The following TRAF7 variants were observed in gnomAD, a reference collection of about 807,000 sequenced individuals.
The protein encoded by TRAF7 is E3 ubiquitin-protein ligase TRAF7.
In TRAF7, 45 loss-of-function variants were observed where a neutral mutation model predicts 89.3. That is an observed-to-expected ratio of 0.50 (90% CI 0.40 to 0.65). The LOEUF is 0.65. Among genes scored for constraint, TRAF7 ranks in the 30% least tolerant of loss-of-function variants. TRAF7 has a pLI of 0.00. For synonymous variants in TRAF7, 406 were observed against 369.2 expected, an observed-to-expected ratio of 1.10 and a Z score of -1.14; for missense variants, 677 against 918.1, an observed-to-expected ratio of 0.74 and a Z score of 3.39.
intron 4 of TRAF7, among the ~76,000 whole-genome samples, chr16:2,169,496 C>G (rs1276636804): frequency 1.3e-5 from 2 of 152,216 alleles, no homozygotes; most frequent in East Asian, 1.9e-4. Flanking sequence ...AGGCGGGTAC[C>G]TTCTCTGTTT....
Position 2,177,407 on chromosome 16 carries a change from T to A in TRAF7, c.*833T>A. 1 of 232,766 alleles carries A rather than the reference T, an allele frequency of 4.3e-6. No individual in the cohort carries two copies. Among genetic ancestry groups the A allele is most frequent in the Non-Finnish European group, 8.5e-6 (1 of 117,708 alleles). 14.4% of individuals were successfully genotyped at this position (232,766 alleles called of 1,614,324 possible). A position where few individuals can be genotyped will look rare whatever the true frequency, so the allele number is the denominator to read the frequency against. ...CCCGCCCCACACCACAATCGCTGGT[T>A]TTCGGCATTTTTTAAATTTTTTTTT... On this transcript the variant is annotated 3_prime_UTR_variant, in exon 21 of 21. Transcript: ENST00000326181.
chr16:2,159,678 C>T lies in TRAF7; in HGVS notation c.-39+3820C>T, dbSNP rs1218911334. ...CGGCCACACACAGCCCTGTGGCAGG[C>T]GGGGCGGAGGCTTCTGGAGCCGTCC... On this transcript the variant is annotated intron_variant, in intron 1 of 20. Transcript: ENST00000326181. The surrounding 1 kb of genome is among the most constrained non-coding windows in gnomAD (Gnocchi z 6.5). Among the ~76,000 whole-genome samples, 6 of 152,194 alleles carry T rather than the reference C, an allele frequency of 3.9e-5. No individual in the cohort carries two copies. The highest frequency in any genetic ancestry group is 3.9e-4 in the East Asian group (2 of 5,192).
At chr16:2,176,437 G>C (rs1166238337) in intron 20 of TRAF7, 53 bp downstream of exon 20, 2 of 1,612,342 alleles carry the variant, frequency 1.2e-6, no homozygotes, top group East Asian at 2.2e-5. Context: ...ATGGAGCGGG[G>C]GTGGGGACGA....
At position 2,159,644 on chromosome 16, in the gene TRAF7, C is replaced by T. The variant is rs1287489781; in HGVS notation, c.-39+3786C>T. Among the ~76,000 whole-genome samples the T allele has an allele frequency of 6.6e-6, 1 of 152,182 alleles. No homozygotes were observed. The highest frequency in any genetic ancestry group is 1.5e-5 in the Non-Finnish European group (1 of 68,008). ...CCACGCTCGGAGCTCTGGCCGCAGT[C>T]CAGCCAGCCGGCCACACACAGCCCT... On this transcript the variant is annotated intron_variant, in intron 1 of 20. Coordinates refer to ENST00000326181, the MANE Select transcript of TRAF7 (RefSeq NM_032271.3). This position sits in a 1 kb window ranked among gnomAD's most constrained non-coding sequence, Gnocchi z 6.5.
In TRAF7 at chr16:2,173,780, C is replaced by T. The variant is rs1835406777; in HGVS notation, c.1087-8C>T. Reference sequence around the variant, plus strand: ...CACCTGCCCTCTGCCCTGCCCTTGGCCCTGCAGGACGAGCTGTCCCACATC... The same window carrying T: ...CACCTGCCCTCTGCCCTGCCCTTGGTCCTGCAGGACGAGCTGTCCCACATC... On this transcript the variant is annotated splice_polypyrimidine_tract_variant and splice_region_variant and intron_variant, in intron 11 of 20. Transcript: ENST00000326181. 1.9e-6 allele frequency: 3 copies of T among 1,609,956 alleles called. No homozygotes were observed. Among genetic ancestry groups the T allele is most frequent in the Non-Finnish European group, 2.5e-6 (3 of 1,179,734 alleles).
chr16:2,167,234 G>T (rs192674469), intron 3 of TRAF7, among the ~76,000 whole-genome samples: 1 of 152,150 alleles, frequency 6.6e-6, no homozygotes, highest in African/African-American at 2.4e-5. Flanking sequence ...GCAGGGATGG[G>T]CAGAGCCAGG....
At chr16:2,173,857 G>GCGGGGCGCCCCCCCC in intron 12 of TRAF7, 21 bp downstream of exon 12, 1 of 1,607,508 alleles carries the variant, frequency 6.2e-7, no homozygotes, top group Non-Finnish European at 8.5e-7. Flanking sequence ...ACCCGCCGTG[G>GCGGGGCGCCCCCCCC]CTCCCGCCCA....
At chr16:2,171,545 C>T in intron 6 of TRAF7, 27 bp from the exon 7 acceptor site, 1 of 1,613,182 alleles carries the variant, frequency 6.2e-7, no homozygotes, top group Non-Finnish European at 8.5e-7. Flanking sequence ...CCTGCGCCAC[C>T]CTCAAGCCCG....
chr16:2,161,557 TG>T lies in TRAF7; in HGVS notation c.-38-2322del, dbSNP rs1413915073. Among the ~76,000 whole-genome samples the T allele has an allele frequency of 6.6e-6, 1 of 152,100 alleles. No individual in the cohort carries two copies. The highest frequency in any genetic ancestry group is 1.5e-5 in the Non-Finnish European group (1 of 68,004). On this transcript the variant is annotated intron_variant, in intron 1 of 20. Transcript: ENST00000326181. This position sits in a 1 kb window ranked among gnomAD's most constrained non-coding sequence, Gnocchi z 5.2. ...CACTGGCAGGGCTTGCAGCTGGCCC[TG>T]GGGCCCCGGAAGCTTGCAGTACAGG... is the stretch of plus-strand genomic sequence containing the variant.
chr16:2,171,508 T>C (rs1331122843), intron 6 of TRAF7, 64 bp from the exon 7 acceptor site: 3 of 1,609,166 alleles, frequency 1.9e-6, no homozygotes, highest in South Asian at 1.1e-5. Context: ...GTGGCTGCCA[T>C]GGCCATGGAC....
Position 2,176,925 on chromosome 16 carries a change from C to T in TRAF7, c.*351C>T, listed in dbSNP as rs1157914497. 3 of 470,742 alleles carry T rather than the reference C, an allele frequency of 6.4e-6. No individual in the cohort carries two copies. The highest frequency in any genetic ancestry group is 3.3e-5 in the Admixed American group (1 of 29,858). 29.2% of individuals were successfully genotyped at this position (470,742 alleles called of 1,614,324 possible). A position where few individuals can be genotyped will look rare whatever the true frequency, so the allele number is the denominator to read the frequency against. On this transcript the variant is annotated 3_prime_UTR_variant, in exon 21 of 21. Coordinates refer to ENST00000326181, the MANE Select transcript of TRAF7 (RefSeq NM_032271.3). ...GGTTACCTCCTGGTTGAAATAAATG[C>T]TCCACAGACTGTGGCTGTGAGTGGG...
intron 3 of TRAF7, among the ~76,000 whole-genome samples, chr16:2,167,534 T>TC (rs1244789880): frequency 2.0e-5 from 3 of 152,138 alleles, no homozygotes; most frequent in Non-Finnish European, 4.4e-5. Flanking sequence ...TGGGGCCACT[T>TC]CCTGGTCCTG....
In TRAF7 at chr16:2,159,458, C is replaced by T. The variant is rs918522366; in HGVS notation, c.-39+3600C>T. ...GGGATGGAAAAAACGTTCTAAGGGA[C>T]GTCAGGGAACAGCGGCGGAAGTGCG... On this transcript the variant is annotated intron_variant, in intron 1 of 20. Transcript: ENST00000326181. The surrounding 1 kb of genome is among the most constrained non-coding windows in gnomAD (Gnocchi z 6.5). 2.6e-5 allele frequency among the ~76,000 whole-genome samples: 4 copies of T among 152,214 alleles called. No homozygotes were observed. The highest frequency in any genetic ancestry group is 6.5e-5 in the Admixed American group (1 of 15,292).
At chr16:2,173,674 G>C (rs1192938671) in intron 11 of TRAF7, 114 bp from the exon 12 acceptor site, 5 of 1,571,066 alleles carry the variant, frequency 3.2e-6, no homozygotes, top group Non-Finnish European at 4.3e-6. Context: ...GTGTGTGGCA[G>C]GGGCTGCTGT....
chr16:2,164,167 CGCGCGCGCGCGCGCACGCGTGCGTGT>C (rs1438716060), intron 2 of TRAF7, among the ~76,000 whole-genome samples, 166 bp downstream of exon 2: 2 of 105,666 alleles, frequency 1.9e-5, no homozygotes, highest in African/African-American at 4.2e-5. Context: ...TGTGCGCGCG[CGCGCGCGCGCGCGCACGCGTGCGTGT>C]GTGGTTGGGG....
At chr16:2,164,172 G>GCGCGCA (rs2093070509) in intron 2 of TRAF7, among the ~76,000 whole-genome samples, 171 bp downstream of exon 2, 5 of 125,958 alleles carry the variant, frequency 4.0e-5, no homozygotes, top group Non-Finnish European at 6.5e-5. Flanking sequence ...GCGCGCGCGC[G>GCGCGCA]CGCGCGCGCA....
At position 2,173,564 on chromosome 16, in the gene TRAF7, C is replaced by A. The variant is rs1461558419; in HGVS notation, c.1086+10C>A. 2.5e-6 allele frequency: 4 copies of A among 1,612,094 alleles called. No homozygotes were observed. The highest frequency in any genetic ancestry group is 4.5e-5 in the East Asian group (2 of 44,812). ...CGCATCCATGTTAAATGTGAGCGGG[C>A]GGGGCTGGAGGGGCTGGGTTGTGAG... On this transcript the variant is annotated intron_variant, in intron 11 of 20. Coordinates refer to ENST00000326181, the MANE Select transcript of TRAF7 (RefSeq NM_032271.3).
At position 2,159,318 on chromosome 16, in the gene TRAF7, G is replaced by A. The variant is rs1051342367; in HGVS notation, c.-39+3460G>A. Among the ~76,000 whole-genome samples the A allele has an allele frequency of 1.3e-5, 2 of 152,142 alleles. No homozygotes were observed. The highest frequency in any genetic ancestry group is 1.9e-4 in the East Asian group (1 of 5,192). ...GGGTTCGCCGTGCTAGGAGGGAAGC[G>A]GGGCCAAGCCGGCCTCAGACCAGGG... is the stretch of plus-strand genomic sequence containing the variant. On this transcript the variant is annotated intron_variant, in intron 1 of 20. Coordinates refer to ENST00000326181, the MANE Select transcript of TRAF7 (RefSeq NM_032271.3). This position sits in a 1 kb window ranked among gnomAD's most constrained non-coding sequence, Gnocchi z 6.5.
chr16:2,175,121 T>C lies in TRAF7; in HGVS notation c.1357T>C (p.Tyr453His), dbSNP rs201318943. 2 of 1,613,868 alleles carry C rather than the reference T, an allele frequency of 1.2e-6. No individual in the cohort carries two copies. The highest frequency in any genetic ancestry group is 2.2e-5 in the East Asian group (1 of 44,880). Residue 453 changes from tyrosine to histidine, a missense_variant, in exon 15 of 21, where the codon TAC becomes CAC. Tyr to His is a moderately conservative substitution (Grantham distance 83). Coordinates refer to ENST00000326181, the MANE Select transcript of TRAF7 (RefSeq NM_032271.3). ...LALCIQGCKL[Y>H]SGSADCTIIV... The stretch of plus-strand genomic sequence containing the variant: ...TCTCTGCTTCCCCAGGTGCAAACTC[T>C]ACAGCGGCTCTGCAGACTGCACCAT...
Sources: gnomAD v4.1 joint callset for allele counts (sites outside exome capture counted in the v4.1 genomes callset) on GRCh38, gnomAD v4.1.1 for gene constraint, Gnocchi (gnomAD v3.1) non-coding constraint, MANE v1.5 for transcripts, NCBI Gene and HGNC (gene_info 2026-07-23, HGNC 2026-07-21) for gene names.